Variants in PRKACB observed in about 807,000 individuals in gnomAD.
PRKACB encodes the protein cAMP-dependent protein kinase catalytic subunit beta.
PRKACB carries 16 observed loss-of-function variants against 51.4 expected under a neutral mutation model. That is an observed-to-expected ratio of 0.31 (90% confidence interval 0.21 to 0.47). The LOEUF is 0.47. PRKACB is among the 20% of genes least tolerant of loss of function. PRKACB has a pLI of 1.00. For synonymous variants in PRKACB, 147 were observed against 154.4 expected, an observed-to-expected ratio of 0.95 and a Z score of 0.35; for missense variants, 309 against 464.5, an observed-to-expected ratio of 0.67 and a Z score of 3.08.
chr1:84,079,880 G>T (rs1333666502), intron 1 of PRKACB, among the ~76,000 whole-genome samples: 1 of 152,062 alleles, frequency 6.6e-6, no homozygotes, highest in Non-Finnish European at 1.5e-5. Context: ...TGGTCAGGCT[G>T]GTCTCGAACT....
intron 1 of PRKACB, among the ~76,000 whole-genome samples, chr1:84,098,643 A>G (rs1323832977): frequency 2.6e-5 from 4 of 151,956 alleles, no homozygotes; most frequent in Non-Finnish European, 5.9e-5. Context: ...CAGTAAATAT[A>G]CTCTTGAGGT....
chr1:84,082,972 CTT>C (rs1187982930), intron 1 of PRKACB, among the ~76,000 whole-genome samples: 1 of 152,090 alleles, frequency 6.6e-6, no homozygotes, highest in Non-Finnish European at 1.5e-5. Context: ...CATTTATAAA[CTT>C]AGTGAGCAAA....
chr1:84,138,573 C>T (rs1653071637), intron 1 of PRKACB, among the ~76,000 whole-genome samples: 1 of 152,056 alleles, frequency 6.6e-6, no homozygotes, highest in Admixed American at 6.6e-5. Context: ...AAAACACTGT[C>T]CCAGATAGTT....
chr1:84,164,554 T>C (rs1034090527), intron 1 of PRKACB: 47 of 1,416,728 alleles, frequency 3.3e-5, no homozygotes, highest in Non-Finnish European at 4.3e-5. Context: ...ATTTTATTTG[T>C]CTGGTGGATT....
rs1668329792 is a variant in PRKACB at position 84,196,757 on chromosome 1, C to T, written c.687+15C>T. The T allele has an allele frequency of 1.9e-6, 3 of 1,608,758 alleles. No homozygotes were observed. In the African/African-American group the frequency reaches 4.0e-5, roughly 22 times the overall value. Reference sequence around the variant, plus strand: ...GCTATATCCAGGTATGACTTTAACACATTATGTGTACTGTATATGAGAAAA... The same window carrying T: ...GCTATATCCAGGTATGACTTTAACATATTATGTGTACTGTATATGAGAAAA... On this transcript the variant is annotated intron_variant, in intron 6 of 9. Coordinates refer to ENST00000370685, the MANE Select transcript of PRKACB (RefSeq NM_182948.4).
At chr1:84,161,553 C>A (rs1030699062) in intron 1 of PRKACB, among the ~76,000 whole-genome samples, 1 of 151,626 alleles carries the variant, frequency 6.6e-6, no homozygotes, top group Admixed American at 6.6e-5. Context: ...CTACCACCTT[C>A]TTTTCTATTA....
Position 84,235,760 on chromosome 1 carries a change from T to G in PRKACB, c.*455T>G, listed in dbSNP as rs1676609917. 1 of 153,342 alleles carries G rather than the reference T, an allele frequency of 6.5e-6. No homozygotes were observed. 9.5% of individuals were successfully genotyped at this position (153,342 alleles called of 1,614,324 possible). ...AGATAAACTTTCTAATAATTATTAT[T>G]TCTTTGAGTAGCTCAGACTTGGTTT... is the stretch of plus-strand genomic sequence containing the variant. On this transcript the variant is annotated 3_prime_UTR_variant, in exon 10 of 10. Transcript: ENST00000370685.
intron 9 of PRKACB, among the ~76,000 whole-genome samples, chr1:84,232,170 C>T (rs1168777639): frequency 6.6e-6 from 1 of 151,944 alleles, no homozygotes; most frequent in Non-Finnish European, 1.5e-5. Flanking sequence ...GCCTTCATTT[C>T]GTTATGTACC....
At chr1:84,086,312 T>A in intron 1 of PRKACB, 1 of 911,086 alleles carries the variant, frequency 1.1e-6, no homozygotes, top group South Asian at 1.5e-5. Context: ...CTCCCTCCTG[T>A]CTGGCCCCTG....
chr1:84,139,316 A>T (rs1005437537), upstream of PRKACB, among the ~76,000 whole-genome samples: 2 of 152,180 alleles, frequency 1.3e-5, no homozygotes, highest in Middle Eastern at 3.2e-3. Flanking sequence ...CCTAAAACTG[A>T]GTTTAGCAAC....
intron 1 of PRKACB, among the ~76,000 whole-genome samples, chr1:84,171,783 T>C (rs545284836): frequency 6.6e-6 from 1 of 151,728 alleles, no homozygotes; most frequent in East Asian, 2.0e-4. Context: ...CAAGTGAATC[T>C]ACCAATGTGA....
At chr1:84,099,235 A>G (rs1350184313) in intron 1 of PRKACB, among the ~76,000 whole-genome samples, 2 of 152,122 alleles carry the variant, frequency 1.3e-5, no homozygotes, top group African/African-American at 2.4e-5. Context: ...ATTTTACAAA[A>G]TATTTTAGCA....
exon 1 of PRKACB, chr1:84,078,209 A>C: frequency 1.7e-6 from 2 of 1,177,814 alleles, no homozygotes; most frequent in South Asian, 1.6e-5. Context: ...CGCCAGCGCT[A>C]GGCGCACTCA....
chr1:84,166,250 A>T (rs1657431858), intron 1 of PRKACB, among the ~76,000 whole-genome samples: 1 of 151,708 alleles, frequency 6.6e-6, no homozygotes. Context: ...AAAACAACTT[A>T]ACATTCCTTA....
intron 7 of PRKACB, among the ~76,000 whole-genome samples, chr1:84,198,507 C>T (rs12125649): frequency 0.041 from 6,262 of 152,074 alleles, 148 homozygotes; most frequent in Middle Eastern, 0.092. Context: ...TGAAATATGG[C>T]TAACTTATAG....
chr1:84,199,299 C>G (rs910964206), intron 7 of PRKACB, among the ~76,000 whole-genome samples: 1 of 151,894 alleles, frequency 6.6e-6, no homozygotes, highest in Non-Finnish European at 1.5e-5. Flanking sequence ...CCTCTCCCTC[C>G]TCCCTACCTC....
At chr1:84,127,286 G>T (rs1651704405) in intron 1 of PRKACB, among the ~76,000 whole-genome samples, 2 of 152,030 alleles carry the variant, frequency 1.3e-5, no homozygotes. Flanking sequence ...TCTTAAAATA[G>T]CTGTATGTAA....
intron 8 of PRKACB, among the ~76,000 whole-genome samples, chr1:84,203,410 A>C (rs1670693304): frequency 6.6e-6 from 1 of 151,994 alleles, no homozygotes; most frequent in Non-Finnish European, 1.5e-5. Context: ...AAATTTCTTC[A>C]TAAACCTTCC....
chr1:84,196,686 A>C lies in PRKACB; in HGVS notation c.631A>C (p.Ile211Leu). The change falls in exon 6 of 10, where the codon ATC (isoleucine) becomes CTC (leucine). Residue 211 changes from isoleucine (I) to leucine (L), a missense_variant. Transcript: ENST00000370685. ...TFEYLHSLDL[I>L]YRDLKPENLL... ...CGAGTACCTCCATTCACTAGACCTC[A>C]TCTACAGAGATCTAAAACCTGAAAA... is the stretch of plus-strand genomic sequence containing the variant. 1 of 1,612,656 alleles carries C rather than the reference A, an allele frequency of 6.2e-7. No homozygotes were observed. Among genetic ancestry groups the C allele is most frequent in the Non-Finnish European group, 8.5e-7 (1 of 1,178,804 alleles).
Sources: gnomAD v4.1 joint callset for allele counts (sites outside exome capture counted in the v4.1 genomes callset) on GRCh38, gnomAD v4.1.1 for gene constraint, MANE v1.5 for transcripts, NCBI Gene and HGNC (gene_info 2026-07-23, HGNC 2026-07-21) for gene names.